EPB41: variants seen among roughly 807,000 people sequenced by gnomAD.
EPB41 encodes protein 4.1.
In EPB41, 65 loss-of-function variants were observed where a neutral mutation model predicts 108.0. The ratio of observed to expected loss-of-function variants is 0.60; its 90% CI spans 0.49 to 0.74. The LOEUF (loss-of-function observed/expected upper bound fraction) is 0.74. Ranked by LOEUF, EPB41 falls within the 30% of genes least tolerant of loss-of-function variation. The pLI is 0.00. For missense variants in EPB41, 875 were observed against 1,037.0 expected (o/e 0.84, Z 2.15); for synonymous variants, 336 against 358.9 (o/e 0.94, Z 0.72).
intron 17 of EPB41, among the ~76,000 whole-genome samples, chr1:29,098,142 C>G (rs775590337): frequency 6.6e-6 from 1 of 152,138 alleles, no homozygotes; most frequent in Non-Finnish European, 1.5e-5. Flanking sequence ...TGCCTGTAGT[C>G]CCAGCTACTC....
chr1:28,943,201 C>G (rs568180680), intron 1 of EPB41, among the ~76,000 whole-genome samples: 1 of 152,208 alleles, frequency 6.6e-6, no homozygotes, highest in Non-Finnish European at 1.5e-5. Flanking sequence ...ATAACAGTTC[C>G]TTTGATTCTA....
intron 1 of EPB41, among the ~76,000 whole-genome samples, chr1:28,917,789 C>T (rs1305163540): frequency 6.6e-6 from 1 of 151,534 alleles, no homozygotes; most frequent in African/African-American, 2.4e-5. Flanking sequence ...TATTGTTTCC[C>T]AGGCTGGTCT....
intron 11 of EPB41, among the ~76,000 whole-genome samples, chr1:29,045,265 T>G (rs1642823051): frequency 6.6e-6 from 1 of 152,192 alleles, no homozygotes; most frequent in African/African-American, 2.4e-5. Context: ...TTTCCTTTAA[T>G]TTCTCTCAGT....
chr1:29,062,703 C>G (rs1046384207), intron 15 of EPB41, among the ~76,000 whole-genome samples: 6 of 151,274 alleles, frequency 4.0e-5, no homozygotes, highest in Admixed American at 6.6e-5. Context: ...CCCGCCCCCA[C>G]TAATGCTTTG....
At chr1:29,092,915 G>GGT (rs1281123011) in intron 16 of EPB41, among the ~76,000 whole-genome samples, 2 of 152,164 alleles carry the variant, frequency 1.3e-5, no homozygotes, top group East Asian at 3.9e-4. Context: ...AGTATTCCAT[G>GGT]GTATATATAT....
chr1:28,900,856 T>G (rs971869371), intron 1 of EPB41, among the ~76,000 whole-genome samples: 3 of 152,208 alleles, frequency 2.0e-5, no homozygotes, highest in Non-Finnish European at 4.4e-5. Context: ...CAAACACTTT[T>G]GTAGCTTGTT....
At chr1:28,973,367 A>G (rs1293893178) in intron 1 of EPB41, among the ~76,000 whole-genome samples, 1 of 152,012 alleles carries the variant, frequency 6.6e-6, no homozygotes, top group South Asian at 2.1e-4. Flanking sequence ...AATCCATTGT[A>G]TAACTATTCT....
At chr1:29,000,605 T>A (rs1441072922) in intron 4 of EPB41, among the ~76,000 whole-genome samples, 1 of 152,178 alleles carries the variant, frequency 6.6e-6, no homozygotes, top group Non-Finnish European at 1.5e-5. Flanking sequence ...GGCTTCAACT[T>A]CCCTGATAGT....
At chr1:29,071,122 C>T (rs560403812) in intron 16 of EPB41, 8 of 152,382 alleles carry the variant, frequency 5.2e-5, no homozygotes, top group African/African-American at 1.9e-4. Flanking sequence ...AAATCCATAA[C>T]CACTCCTTTT....
rs541568685 is a variant in EPB41, at chr1:29,053,839, A to G, written c.1845+527A>G. 1.1e-3 allele frequency: 164 copies of G among 155,080 alleles called. 4 individuals are homozygous for G. The South Asian group carries it at 0.03, about 29-fold the overall frequency. 9.6% of individuals were successfully genotyped at this position (155,080 alleles called of 1,614,324 possible). ...CTCCCAAAGTGCTGGGATTACAGGCATGAGCCACCGCGCCCGGCCCCAACT... is the reference window on the plus strand; with the variant it reads ...CTCCCAAAGTGCTGGGATTACAGGCGTGAGCCACCGCGCCCGGCCCCAACT... On this transcript the variant is annotated intron_variant, in intron 12 of 20. Transcript: ENST00000343067.
intron 7 of EPB41, among the ~76,000 whole-genome samples, chr1:29,028,830 C>G (rs1447596133): frequency 6.6e-6 from 1 of 152,008 alleles, no homozygotes; most frequent in African/African-American, 2.4e-5. Flanking sequence ...TGGCTTGAGC[C>G]TAGGAGTTCA....
chr1:29,044,792 C>T (rs1227701930), intron 11 of EPB41, among the ~76,000 whole-genome samples: 1 of 152,170 alleles, frequency 6.6e-6, no homozygotes, highest in Non-Finnish European at 1.5e-5. Flanking sequence ...GCAGAAGTTG[C>T]AGTGAGCTGA....
At chr1:28,992,304 C>G (rs1321387719) in intron 2 of EPB41, among the ~76,000 whole-genome samples, 1 of 152,084 alleles carries the variant, frequency 6.6e-6, no homozygotes, top group Non-Finnish European at 1.5e-5. Flanking sequence ...AGCTGTTACA[C>G]AAGGAAGTAA....
At chr1:29,024,148 A>G (rs1443482527) in intron 7 of EPB41, among the ~76,000 whole-genome samples, 1 of 151,650 alleles carries the variant, frequency 6.6e-6, no homozygotes, top group Non-Finnish European at 1.5e-5. Flanking sequence ...CATCCTAGCC[A>G]ACATGGTGAA....
chr1:28,931,038 T>C (rs1271130572), intron 1 of EPB41, among the ~76,000 whole-genome samples: 3 of 151,926 alleles, frequency 2.0e-5, no homozygotes, highest in East Asian at 1.9e-4. Context: ...AAATTATGAA[T>C]ACAAAACTAG....
rs548359000 is a variant in EPB41 at position 29,114,606 on chromosome 1, G to A, written c.2497-1093G>A. ...TTCAGTGAGCCAAGATCACACCACT[G>A]CACTCCAGCCTGGGCAGTGAGACTC... On this transcript the variant is annotated intron_variant, in intron 19 of 20. Transcript: ENST00000343067. 5.9e-5 allele frequency among the ~76,000 whole-genome samples: 8 copies of A among 134,474 alleles called. No homozygotes were observed. The East Asian group carries it at 1.7e-3, about 29-fold the overall frequency. The allele number at this position is 134,474 out of a possible 152,430, so 88.2% of individuals were successfully genotyped here.
At chr1:29,066,965 G>A (rs1334253503) in intron 16 of EPB41, among the ~76,000 whole-genome samples, 1 of 150,652 alleles carries the variant, frequency 6.6e-6, no homozygotes, top group Admixed American at 6.6e-5. Context: ...ATGAGCCACC[G>A]TGCCCAGCTA....
intron 16 of EPB41, among the ~76,000 whole-genome samples, chr1:29,082,217 C>T (rs553855408): frequency 1.1e-4 from 16 of 151,652 alleles, no homozygotes; most frequent in South Asian, 2.1e-4. Context: ...CTCCGCCTCC[C>T]GAGTTCAAGC....
intron 7 of EPB41, among the ~76,000 whole-genome samples, chr1:29,028,628 T>G (rs575255184): frequency 3.3e-5 from 5 of 152,346 alleles, no homozygotes; most frequent in South Asian, 2.1e-4. Context: ...GACTTAAGTC[T>G]GCTGTCTCAA....
Sources: allele counts gnomAD v4.1 joint callset (sites outside exome capture counted in the v4.1 genomes callset), GRCh38; gene constraint gnomAD v4.1.1; transcripts MANE v1.5; gene names NCBI Gene and HGNC (gene_info 2026-07-23, HGNC 2026-07-21).